PFKL: variants seen among roughly 807,000 people sequenced by gnomAD.
PFKL encodes the protein ATP-dependent 6-phosphofructokinase, liver type.
A neutral mutation model predicts 92.1 loss-of-function variants in PFKL; 74 were observed. That is an observed-to-expected ratio of 0.80 (90% CI 0.67 to 0.97). The LOEUF is 0.97. Among genes scored for constraint, PFKL ranks in the 50% least tolerant of loss-of-function variants. The pLI, the probability that PFKL is intolerant of heterozygous loss-of-function variation, is 0.00. For synonymous variants in PFKL, 494 were observed against 456.4 expected, an observed-to-expected ratio of 1.08 and a Z score of -1.05; for missense variants, 1,028 against 1,116.6, an observed-to-expected ratio of 0.92 and a Z score of 1.13.
At position 44,322,903 on chromosome 21, in the gene PFKL, C is replaced by T. The variant is rs1307450240; in HGVS notation, c.1410-59C>T. The T allele has an allele frequency of 2.3e-5, 29 of 1,259,754 alleles. No individual in the cohort carries two copies. In the East Asian group the frequency reaches 7.1e-4, roughly 31 times the overall value. The allele number at this position is 1,259,754 out of a possible 1,614,324, so 78.0% of individuals were successfully genotyped here. ...GGCAATGCCTTTCTGTGATCAGATG[C>T]AATCTGGACACGCGTCCCCGGGTGC... On this transcript the variant is annotated intron_variant, in intron 14 of 21. Transcript: ENST00000349048.
rs558936747 is a variant in PFKL, at chr21:44,326,652, C to T, written c.2196-63C>T. ...TCGGGGGGGGTGGGGGGGCTGGGGA[C>T]GTGGCTGAAGAGCTGCCCTGACCCC... On this transcript the variant is annotated intron_variant, in intron 21 of 21. Transcript: ENST00000349048. 122 of 1,551,928 alleles carry T rather than the reference C, an allele frequency of 7.9e-5. 1 individual carries two copies. Among genetic ancestry groups the T allele is most frequent in the Admixed American group, 4.3e-4 (24 of 55,368 alleles).
At chr21:44,326,355 G>A (rs745933441) in intron 21 of PFKL, 91 bp downstream of exon 21, 58 of 987,248 alleles carry the variant, frequency 5.9e-5, no homozygotes, top group Middle Eastern at 2.7e-4. Context: ...CAGCCCCACT[G>A]GCACCCTGAC....
chr21:44,320,179 G>A, intron 12 of PFKL, 32 bp downstream of exon 12: 3 of 1,593,762 alleles, frequency 1.9e-6, no homozygotes, highest in Non-Finnish European at 8.6e-7. Flanking sequence ...ACAGAGGGAG[G>A]AACGGGCTCA....
At chr21:44,305,567 C>G in intron 1 of PFKL, 1 of 814,964 alleles carries the variant, frequency 1.2e-6, no homozygotes, top group Non-Finnish European at 1.7e-6. Context: ...CAGGGCTGGT[C>G]CCAGGGGCAA....
chr21:44,313,304 G>A (rs1021206854), intron 5 of PFKL, among the ~76,000 whole-genome samples, 161 bp downstream of exon 5: 1 of 152,212 alleles, frequency 6.6e-6, no homozygotes, highest in African/African-American at 2.4e-5. Flanking sequence ...CGCACAGCGG[G>A]CTCCACTCCC....
chr21:44,319,654 C>T (rs577066437), intron 11 of PFKL: 67 of 575,664 alleles, frequency 1.2e-4, no homozygotes, highest in South Asian at 1.2e-3. Context: ...CTGGGCATGG[C>T]GAGGGGATGA....
chr21:44,311,375 C>T lies in PFKL; in HGVS notation c.237+292C>T, dbSNP rs1275040857. 6.6e-5 allele frequency among the ~76,000 whole-genome samples: 10 copies of T among 151,724 alleles called. 1 individual carries two copies. Among genetic ancestry groups the T allele is most frequent in the South Asian group, 2.1e-4 (1 of 4,796 alleles). ...ACAGACGTGCACACAGACACACAGACGCGCACACAGACACACACAGATGCA... is the reference window on the plus strand; with the variant it reads ...ACAGACGTGCACACAGACACACAGATGCGCACACAGACACACACAGATGCA... On this transcript the variant is annotated intron_variant, in intron 3 of 21. Transcript: ENST00000349048.
chr21:44,308,559 ATTTTT>A (rs532812261), intron 2 of PFKL, among the ~76,000 whole-genome samples: 2 of 133,620 alleles, frequency 1.5e-5, no homozygotes, highest in Admixed American at 7.6e-5. Context: ...GGGGGTAGGA[ATTTTT>A]TTTTTTTTTT....
chr21:44,322,256 C>T, intron 14 of PFKL, 53 bp downstream of exon 14: 3 of 1,519,502 alleles, frequency 2.0e-6, no homozygotes, highest in Non-Finnish European at 1.8e-6. Flanking sequence ...GCGCAGTATC[C>T]AGGCCCTGCA....
intron 1 of PFKL, among the ~76,000 whole-genome samples, chr21:44,303,255 C>T (rs2040825704): frequency 6.6e-6 from 1 of 150,504 alleles, no homozygotes; most frequent in Non-Finnish European, 1.5e-5. Flanking sequence ...AGAAAAAACC[C>T]CAAAAATCAG....
At position 44,327,221 on chromosome 21, in the gene PFKL, C is replaced by T. The variant is rs2047539977; in HGVS notation, c.*359C>T. On this transcript the variant is annotated 3_prime_UTR_variant, in exon 22 of 22. Coordinates refer to ENST00000349048, the MANE Select transcript of PFKL (RefSeq NM_002626.6). ...ACTACATGGGCCAGCCCTTGCTCTACCTGGCCGGTAGGCTGCTGGCGCCTA... is the reference window on the plus strand; with the variant it reads ...ACTACATGGGCCAGCCCTTGCTCTATCTGGCCGGTAGGCTGCTGGCGCCTA... 1 of 291,950 alleles carries T rather than the reference C, an allele frequency of 3.4e-6. No homozygotes were observed. Among genetic ancestry groups the T allele is most frequent in the Admixed American group, 4.3e-5 (1 of 23,036 alleles). 18.1% of individuals were successfully genotyped at this position (291,950 alleles called of 1,614,324 possible).
chr21:44,318,528 C>A lies in PFKL; in HGVS notation c.995C>A (p.Pro332Gln), dbSNP rs369155274. 16 of 1,576,812 alleles carry A rather than the reference C, an allele frequency of 1.0e-5. No homozygotes were observed. In the Admixed American group the frequency reaches 2.8e-4, roughly 27 times the overall value. ...CTGCTGGAAGCCACGCCTGACACGC[C>A]GGCCTGCGTGGTCACCCTCTCGGGG... is the stretch of plus-strand genomic sequence containing the variant. ...MALLEATPDT[P>Q]ACVVTLSGNQ... The change falls in exon 10 of 22, where the codon CCG becomes CAG. Residue 332 changes from proline to glutamine, a missense_variant. Coordinates refer to ENST00000349048, the MANE Select transcript of PFKL (RefSeq NM_002626.6).
intron 2 of PFKL, among the ~76,000 whole-genome samples, chr21:44,308,209 C>T (rs192713792): frequency 3.3e-5 from 5 of 152,244 alleles, no homozygotes; most frequent in Non-Finnish European, 7.4e-5. Context: ...CCTGTCCAGG[C>T]GGTAACAGGA....
chr21:44,326,930 G>A lies in PFKL; in HGVS notation c.*68G>A. 1 of 1,432,770 alleles carries A rather than the reference G, an allele frequency of 7.0e-7. No individual in the cohort carries two copies. Among genetic ancestry groups the A allele is most frequent in the Non-Finnish European group, 9.6e-7 (1 of 1,040,330 alleles). 88.8% of individuals were successfully genotyped at this position (1,432,770 alleles called of 1,614,324 possible). A position where few individuals can be genotyped will look rare whatever the true frequency, so the allele number is the denominator to read the frequency against. ...AGCGCAGCGCCAGGGCTCAGATGGG[G>A]CCTGGGCTGTTGTGTCTGGAGCCTG... On this transcript the variant is annotated 3_prime_UTR_variant, in exon 22 of 22. Coordinates refer to ENST00000349048, the MANE Select transcript of PFKL (RefSeq NM_002626.6).
In PFKL at chr21:44,323,930, C is replaced by T; in HGVS notation, c.1650+12C>T. ...ATGCCGCCATGGAGGTACGGGGCTC[C>T]TGGACACCGGCCTGCCATGCCCAGG... On this transcript the variant is annotated intron_variant, in intron 16 of 21. Transcript: ENST00000349048. 1 of 1,613,002 alleles carries T rather than the reference C, an allele frequency of 6.2e-7. No individual in the cohort carries two copies. The highest frequency in any genetic ancestry group is 8.5e-7 in the Non-Finnish European group (1 of 1,179,848).
intron 1 of PFKL, among the ~76,000 whole-genome samples, chr21:44,301,876 C>A (rs1259710558): frequency 6.6e-6 from 1 of 152,146 alleles, no homozygotes; most frequent in East Asian, 1.9e-4. Flanking sequence ...CCCCCCCCAC[C>A]CCCTGCCACC....
At chr21:44,301,237 A>T (rs912657603) in intron 1 of PFKL, among the ~76,000 whole-genome samples, 1 of 152,152 alleles carries the variant, frequency 6.6e-6, no homozygotes, top group East Asian at 1.9e-4. Context: ...TCACTGTCTG[A>T]ACCCCGGCCT....
At position 44,324,912 on chromosome 21, in the gene PFKL, G is replaced by T; in HGVS notation, c.1872G>T (p.Val624=). 6.2e-7 allele frequency: 1 copy of T among 1,605,404 alleles called. No homozygotes were observed. ...AGACAGACATTCAGAGGGGCCTGGT[G>T]CTGCGGTGAGGCTGCCGTGGGTCCC... is the stretch of plus-strand genomic sequence containing the variant. ...KMKTDIQRGL[V]LRNEKCHDYY... Residue 624 remains valine, a synonymous_variant, in exon 18 of 22, where the codon GTG becomes GTT. Coordinates refer to ENST00000349048, the MANE Select transcript of PFKL (RefSeq NM_002626.6).
At chr21:44,314,099 C>A in intron 7 of PFKL, 78 bp downstream of exon 7, 1 of 946,974 alleles carries the variant, frequency 1.1e-6, no homozygotes. Context: ...TGGGACCAGC[C>A]TTGACCAACT....
Sources: allele counts gnomAD v4.1 joint callset (sites outside exome capture counted in the v4.1 genomes callset), GRCh38; gene constraint gnomAD v4.1.1; transcripts MANE v1.5; gene names NCBI Gene and HGNC (gene_info 2026-07-23, HGNC 2026-07-21).